UBE2G1: variants seen among roughly 807,000 people sequenced by gnomAD.
UBE2G1 encodes the protein ubiquitin-conjugating enzyme E2 G1.
A neutral mutation model predicts 22.7 loss-of-function variants in UBE2G1; 5 were observed. That is an observed-to-expected ratio of 0.22 (90% CI 0.12 to 0.46). The LOEUF is 0.46. Ranked by LOEUF, UBE2G1 falls within the 20% of genes least tolerant of loss-of-function variation. The pLI is 0.99. For missense variants in UBE2G1, 88 were observed against 203.9 expected (o/e 0.43, Z 3.46); for synonymous variants, 74 against 67.5 (o/e 1.10, Z -0.47).
At chr17:4,298,969 T>C (rs773135848) in intron 2 of UBE2G1, among the ~76,000 whole-genome samples, 4 of 152,194 alleles carry the variant, frequency 2.6e-5, no homozygotes, top group Non-Finnish European at 5.9e-5. Context: ...TAAGTCTTTA[T>C]CTACTGATCC....
At chr17:4,355,384 T>C (rs910689656) in intron 1 of UBE2G1, among the ~76,000 whole-genome samples, 1 of 150,204 alleles carries the variant, frequency 6.7e-6, no homozygotes, top group African/African-American at 2.4e-5. Flanking sequence ...CTCAAGCCTA[T>C]AATCCCAGCA....
At chr17:4,358,702 A>G (rs1969934560) in intron 1 of UBE2G1, among the ~76,000 whole-genome samples, 1 of 152,236 alleles carries the variant, frequency 6.6e-6, no homozygotes, top group Non-Finnish European at 1.5e-5. Context: ...CTGTAATCCC[A>G]GCACTTTGGG....
intron 5 of UBE2G1, among the ~76,000 whole-genome samples, chr17:4,273,716 G>A (rs951469910): frequency 1.6e-4 from 24 of 151,284 alleles, no homozygotes; most frequent in Admixed American, 4.6e-4. Context: ...TGCTTTGAAA[G>A]GGGGGTGGGT....
intron 1 of UBE2G1, among the ~76,000 whole-genome samples, chr17:4,363,831 A>AG (rs1203639406): frequency 6.6e-6 from 1 of 151,308 alleles, no homozygotes; most frequent in Admixed American, 6.6e-5. Flanking sequence ...GGGCGCCTGT[A>AG]GTCCCAGCTA....
Position 4,272,006 on chromosome 17 carries a change from C to A in UBE2G1, c.*548G>T, listed in dbSNP as rs950493267. ...GAGATAAAAGCAAAGGGGAGTGTGTCAAAACAAAGAAGATACAAAAGTTTA... is the reference window on the plus strand; with the variant it reads ...GAGATAAAAGCAAAGGGGAGTGTGTAAAAACAAAGAAGATACAAAAGTTTA... On this transcript the variant is annotated 3_prime_UTR_variant, in exon 6 of 6. Coordinates refer to ENST00000396981, the MANE Select transcript of UBE2G1 (RefSeq NM_003342.5). The A allele has an allele frequency of 2.0e-5, 3 of 152,388 alleles. No individual in the cohort carries two copies. Among genetic ancestry groups the A allele is most frequent in the Non-Finnish European group, 4.4e-5 (3 of 68,004 alleles). The allele number at this position is 152,388 out of a possible 1,614,324, so 9.4% of individuals were successfully genotyped here.
chr17:4,294,415 C>CAAAAAAAAAAAAAAAA (rs68047533), intron 3 of UBE2G1, among the ~76,000 whole-genome samples: 1 of 117,202 alleles, frequency 8.5e-6, no homozygotes, highest in African/African-American at 4.4e-5. Flanking sequence ...GACTCCGTCT[C>CAAAAAAAAAAAAAAAA]AAAAAAAAAA....
intron 1 of UBE2G1, among the ~76,000 whole-genome samples, chr17:4,353,381 A>G (rs2143820398): frequency 6.6e-6 from 1 of 152,074 alleles, no homozygotes; most frequent in South Asian, 2.1e-4. Context: ...AAGTAGCTAT[A>G]TTGTATTACC....
At chr17:4,303,603 C>A (rs758126029) in intron 2 of UBE2G1, among the ~76,000 whole-genome samples, 9 of 152,188 alleles carry the variant, frequency 5.9e-5, no homozygotes, top group Non-Finnish European at 1.0e-4. Context: ...AACCGCATGG[C>A]ATTACCACTG....
At chr17:4,335,987 A>G (rs1272000797) in intron 1 of UBE2G1, among the ~76,000 whole-genome samples, 1 of 152,092 alleles carries the variant, frequency 6.6e-6, no homozygotes. Context: ...CTCTACTAAA[A>G]ATACAAAAAT....
chr17:4,333,326 G>T lies in UBE2G1; in HGVS notation c.47-26203C>A, dbSNP rs191071459. On this transcript the variant is annotated intron_variant, in intron 1 of 5. Transcript: ENST00000396981. ...GTGTATCTCAGCCATCATTTTAAAA[G>T]AAGAGAAGAAAAAAACTTACGGGCG... 2.0e-3 allele frequency among the ~76,000 whole-genome samples: 302 copies of T among 152,244 alleles called. 1 individual carries two copies. The highest frequency in any genetic ancestry group is 3.3e-3 in the Non-Finnish European group (222 of 68,014).
chr17:4,347,725 T>A (rs1969795900), intron 1 of UBE2G1, among the ~76,000 whole-genome samples: 1 of 152,068 alleles, frequency 6.6e-6, no homozygotes, highest in South Asian at 2.1e-4. Context: ...GATCCACCCA[T>A]CTCAGCCTCC....
chr17:4,296,906 A>T (rs912831165), intron 2 of UBE2G1, 92 bp from the exon 3 acceptor site: 40 of 1,069,670 alleles, frequency 3.7e-5, no homozygotes, highest in Admixed American at 1.1e-4. Context: ...GGGTGCTAGC[A>T]CTAACATCAA....
intron 1 of UBE2G1, among the ~76,000 whole-genome samples, chr17:4,328,789 C>A (rs4790613): frequency 0.45 from 68,630 of 152,062 alleles, 18,651 homozygotes; most frequent in African/African-American, 0.77. Context: ...GCTGCACTAA[C>A]AACATGACAA....
intron 1 of UBE2G1, among the ~76,000 whole-genome samples, chr17:4,363,937 T>C (rs1434022618): frequency 9.0e-5 from 7 of 77,958 alleles, no homozygotes; most frequent in South Asian, 8.7e-4. Flanking sequence ...GGCAACAGAG[T>C]AAGACTCCGT....
chr17:4,334,514 A>C (rs1184459721), intron 1 of UBE2G1, among the ~76,000 whole-genome samples: 4 of 152,116 alleles, frequency 2.6e-5, no homozygotes, highest in Non-Finnish European at 5.9e-5. Context: ...GTTTTAACCC[A>C]TCTTCTCAAA....
Position 4,328,879 on chromosome 17 carries a change from G to A in UBE2G1, c.47-21756C>T, listed in dbSNP as rs188540213. 8.5e-5 allele frequency among the ~76,000 whole-genome samples: 13 copies of A among 152,254 alleles called. No homozygotes were observed. In the East Asian group the frequency reaches 2.5e-3, roughly 29 times the overall value. ...GGGCGGGCAGATCACGAGGTCAGGA[G>A]ATCAAGACCATCCTGGCTAACATGG... On this transcript the variant is annotated intron_variant, in intron 1 of 5. Transcript: ENST00000396981.
At chr17:4,345,966 T>C (rs1969765626) in intron 1 of UBE2G1, among the ~76,000 whole-genome samples, 1 of 152,254 alleles carries the variant, frequency 6.6e-6, no homozygotes, top group African/African-American at 2.4e-5. Flanking sequence ...AAGTGTTGAA[T>C]AATTCAAGAT....
In UBE2G1 at chr17:4,358,604, T is replaced by C. The variant is rs993169760; in HGVS notation, c.46+7667A>G. 2.0e-5 allele frequency among the ~76,000 whole-genome samples: 3 copies of C among 152,238 alleles called. No individual in the cohort carries two copies. The South Asian group carries it at 6.2e-4, about 31-fold the overall frequency. On this transcript the variant is annotated intron_variant, in intron 1 of 5. Transcript: ENST00000396981. ...ATCAGGTAAAAATTCTTAATTTTCA[T>C]GATGTCCAGTTTACTAATATTTCCT...
At chr17:4,286,959 C>T (rs1968971084) in intron 4 of UBE2G1, among the ~76,000 whole-genome samples, 1 of 151,898 alleles carries the variant, frequency 6.6e-6, no homozygotes, top group Non-Finnish European at 1.5e-5. Context: ...GCAGGAGAAT[C>T]GATTGAACAC....
Sources: allele counts gnomAD v4.1 joint callset (sites outside exome capture counted in the v4.1 genomes callset), GRCh38; gene constraint gnomAD v4.1.1; transcripts MANE v1.5; gene names NCBI Gene and HGNC (gene_info 2026-07-23, HGNC 2026-07-21).